The following LUZP2 variants were observed in gnomAD, a reference collection of about 807,000 sequenced individuals.
LUZP2 encodes the protein leucine zipper protein 2.
In LUZP2, 52 loss-of-function variants were observed where a neutral mutation model predicts 51.6. The observed-to-expected ratio is 1.01, with a 90% CI of 0.81 to 1.27. The LOEUF is 1.27. LUZP2 is among the 50% of genes most tolerant of loss of function. LUZP2 has a pLI of 0.00. For missense variants in LUZP2, 436 were observed against 395.4 expected, an observed-to-expected ratio of 1.10 and a Z score of -0.87; for synonymous variants, 154 against 137.3, an observed-to-expected ratio of 1.12 and a Z score of -0.85.
At chr11:24,890,481 G>T (rs1852813346) in intron 5 of LUZP2, among the ~76,000 whole-genome samples, 1 of 152,138 alleles carries the variant, frequency 6.6e-6, no homozygotes, top group Non-Finnish European at 1.5e-5. Flanking sequence ...CTAGTTATTT[G>T]CTTGGGATGA....
intron 7 of LUZP2, among the ~76,000 whole-genome samples, chr11:24,955,857 A>G (rs939938077): frequency 7.2e-5 from 11 of 152,062 alleles, no homozygotes; most frequent in African/African-American, 2.4e-4. Context: ...TGTAAAGACA[A>G]TAAGAAATCA....
At chr11:24,723,554 G>A (rs1245555811) in intron 1 of LUZP2, among the ~76,000 whole-genome samples, 2 of 152,174 alleles carry the variant, frequency 1.3e-5, no homozygotes, top group African/African-American at 4.8e-5. Flanking sequence ...GGCTGGACAC[G>A]GCGGCCCATG....
rs866965687 is a variant in LUZP2 at position 25,030,948 on chromosome 11, T to A, written c.766-19090T>A. The stretch of plus-strand genomic sequence containing the variant: ...TATATATAATATATATTATATATAT[T>A]ATATATATAATACAATATATATTAT... On this transcript the variant is annotated intron_variant, in intron 9 of 11. Coordinates refer to ENST00000336930, the MANE Select transcript of LUZP2 (RefSeq NM_001009909.4). Among the ~76,000 whole-genome samples, 24 of 42,948 alleles carry A rather than the reference T, an allele frequency of 5.6e-4. 2 individuals carry two copies. In the East Asian group the frequency reaches 0.036, roughly 65 times the overall value. The allele number at this position is 42,948 out of a possible 152,430, so 28.2% of individuals were successfully genotyped here. A position where few individuals can be genotyped will look rare whatever the true frequency, so the allele number is the denominator to read the frequency against.
chr11:24,503,487 C>T (rs760699651), intron 1 of LUZP2, among the ~76,000 whole-genome samples: 6 of 152,148 alleles, frequency 3.9e-5, no homozygotes, highest in East Asian at 1.9e-4. Flanking sequence ...AGGATTCTTT[C>T]GTAAACCCTA....
chr11:24,822,210 G>A (rs536130595), intron 5 of LUZP2, among the ~76,000 whole-genome samples: 1 of 152,060 alleles, frequency 6.6e-6, no homozygotes, highest in African/African-American at 2.4e-5. Flanking sequence ...TCAAATGATG[G>A]TCTTTCTAAT....
At chr11:24,637,499 G>A (rs1236353187) in intron 1 of LUZP2, among the ~76,000 whole-genome samples, 1 of 151,852 alleles carries the variant, frequency 6.6e-6, no homozygotes, top group Non-Finnish European at 1.5e-5. Context: ...GTGGGGTCGG[G>A]CAGAATAGAG....
At chr11:24,532,131 A>AT (rs1851023960) in intron 1 of LUZP2, among the ~76,000 whole-genome samples, 1 of 150,734 alleles carries the variant, frequency 6.6e-6, no homozygotes, top group Non-Finnish European at 1.5e-5. Flanking sequence ...ACTTTTTTAA[A>AT]TTTTTCCACC....
chr11:25,076,635 GGA>G (rs1859309315), intron 10 of LUZP2, among the ~76,000 whole-genome samples: 1 of 136,204 alleles, frequency 7.3e-6, no homozygotes, highest in African/African-American at 2.8e-5. Context: ...AGGGAGGAAG[GGA>G]AAAAGAGGGA....
At chr11:24,650,398 A>G (rs1485101688) in intron 1 of LUZP2, among the ~76,000 whole-genome samples, 1 of 152,056 alleles carries the variant, frequency 6.6e-6, no homozygotes, top group African/African-American at 2.4e-5. Context: ...ACCAACATAC[A>G]TGCAACAACA....
chr11:24,790,633 C>G (rs565355952), intron 5 of LUZP2, among the ~76,000 whole-genome samples: 1 of 152,252 alleles, frequency 6.6e-6, no homozygotes, highest in South Asian at 2.1e-4. Context: ...TCTTGAGTAG[C>G]TGGGATTACA....
At chr11:24,803,648 TAAAAA>T (rs1849762284) in intron 5 of LUZP2, among the ~76,000 whole-genome samples, 1 of 151,998 alleles carries the variant, frequency 6.6e-6, no homozygotes, top group Non-Finnish European at 1.5e-5. Flanking sequence ...TATTCAGCCT[TAAAAA>T]GAAAAGAAAT....
At chr11:24,578,044 T>C (rs911478235) in intron 1 of LUZP2, among the ~76,000 whole-genome samples, 1 of 152,086 alleles carries the variant, frequency 6.6e-6, no homozygotes, top group Non-Finnish European at 1.5e-5. Context: ...ATGCTCACAA[T>C]AAAATCTTTC....
intron 1 of LUZP2, among the ~76,000 whole-genome samples, chr11:24,594,380 C>T (rs1448322410): frequency 2.0e-5 from 3 of 152,106 alleles, no homozygotes; most frequent in South Asian, 2.1e-4. Flanking sequence ...TCTACAACTA[C>T]AGGAATCAAT....
chr11:25,066,236 G>A (rs1446616617), intron 10 of LUZP2, among the ~76,000 whole-genome samples: 1 of 151,658 alleles, frequency 6.6e-6, no homozygotes, highest in East Asian at 1.9e-4. Context: ...TTGAAGATGA[G>A]GCAAATTTTC....
intron 5 of LUZP2, among the ~76,000 whole-genome samples, chr11:24,857,316 C>T (rs996420018): frequency 4.5e-5 from 5 of 109,920 alleles, no homozygotes; most frequent in South Asian, 2.7e-4. Context: ...TATATATACA[C>T]ACACACACAC....
At chr11:24,621,051 T>C (rs1051003246) in intron 1 of LUZP2, among the ~76,000 whole-genome samples, 1 of 152,190 alleles carries the variant, frequency 6.6e-6, no homozygotes, top group Non-Finnish European at 1.5e-5. Context: ...GTGAGCCTGC[T>C]CCCATGCTAA....
chr11:24,647,074 C>T (rs948610746), intron 1 of LUZP2, among the ~76,000 whole-genome samples: 3 of 151,800 alleles, frequency 2.0e-5, no homozygotes, highest in African/African-American at 7.3e-5. Context: ...CTCTTTTGTG[C>T]AGTATCTTAT....
intron 9 of LUZP2, among the ~76,000 whole-genome samples, chr11:24,999,119 A>G (rs1435584040): frequency 4.6e-5 from 7 of 152,158 alleles, no homozygotes; most frequent in Non-Finnish European, 7.3e-5. Context: ...TTTCAATGTT[A>G]CATTTCATTT....
intron 9 of LUZP2, among the ~76,000 whole-genome samples, chr11:25,020,243 T>C (rs1857293125): frequency 6.6e-6 from 1 of 152,128 alleles, no homozygotes; most frequent in Non-Finnish European, 1.5e-5. Flanking sequence ...GTACCACATA[T>C]ACTATTTTGT....
Sources: allele counts gnomAD v4.1 joint callset (sites outside exome capture counted in the v4.1 genomes callset), GRCh38; gene constraint gnomAD v4.1.1; transcripts MANE v1.5; gene names NCBI Gene and HGNC (gene_info 2026-07-23, HGNC 2026-07-21).